Variants in VTI1A observed in about 807,000 individuals in gnomAD.
VTI1A encodes vesicle transport through interaction with t-SNAREs homolog 1A.
VTI1A carries 22 observed loss-of-function variants against 34.9 expected under a neutral mutation model. The observed-to-expected ratio is 0.63, with a 90% confidence interval of 0.45 to 0.90. The LOEUF is 0.90. Among genes scored for constraint, VTI1A ranks in the 40% least tolerant of loss-of-function variants. VTI1A has a pLI of 0.00. For missense variants in VTI1A, 268 were observed against 275.6 expected, an observed-to-expected ratio of 0.97 and a Z score of 0.20; for synonymous variants, 87 against 97.3, an observed-to-expected ratio of 0.89 and a Z score of 0.62.
At chr10:112,703,685 CAT>C (rs1238910815) in intron 7 of VTI1A, among the ~76,000 whole-genome samples, 1 of 151,940 alleles carries the variant, frequency 6.6e-6, no homozygotes, top group African/African-American at 2.4e-5. Context: ...GAAAATGAAA[CAT>C]CACATATATA....
chr10:112,845,825 C>G, the VTI1A span, among the ~76,000 whole-genome samples: 2 of 152,106 alleles, frequency 1.3e-5, no homozygotes, highest in Non-Finnish European at 2.9e-5. Context: ...CGAGACCAGC[C>G]TGGCCAACAT....
Position 112,728,660 on chromosome 10 carries a change from A to G in VTI1A, c.560+59662A>G, listed in dbSNP as rs139994589. ...GTACAAATGAATTTCCTGAAATGGAAGAAAAAAAATAGAATCATACTTGGG... is the reference window on the plus strand; with the variant it reads ...GTACAAATGAATTTCCTGAAATGGAGGAAAAAAAATAGAATCATACTTGGG... On this transcript the variant is annotated intron_variant, in intron 7 of 7. Coordinates refer to ENST00000393077, the MANE Select transcript of VTI1A (RefSeq NM_145206.4). Among the ~76,000 whole-genome samples the G allele has an allele frequency of 3.6e-3, 550 of 152,326 alleles. 4 individuals carry two copies. The highest frequency in any genetic ancestry group is 0.012 in the African/African-American group (510 of 41,562).
intron 5 of VTI1A, among the ~76,000 whole-genome samples, chr10:112,592,912 GC>G (rs1387372300): frequency 2.6e-5 from 4 of 152,200 alleles, no homozygotes; most frequent in Non-Finnish European, 5.9e-5. Flanking sequence ...GTGATATGGT[GC>G]TGTGAAGACT....
chr10:112,716,843 T>C (rs1469467215), intron 7 of VTI1A, among the ~76,000 whole-genome samples: 1 of 152,168 alleles, frequency 6.6e-6, no homozygotes, highest in Admixed American at 6.5e-5. Flanking sequence ...GGATAAGGGA[T>C]ACCCAACCCC....
chr10:112,714,537 C>A (rs1304134743), intron 7 of VTI1A, among the ~76,000 whole-genome samples: 3 of 152,204 alleles, frequency 2.0e-5, no homozygotes, highest in Non-Finnish European at 4.4e-5. Flanking sequence ...TCTTGTCATG[C>A]CTCTTCTGAG....
intron 5 of VTI1A, among the ~76,000 whole-genome samples, chr10:112,591,537 C>CACACACACAA (rs758504431): frequency 6.6e-6 from 1 of 152,062 alleles, no homozygotes; most frequent in African/African-American, 2.4e-5. Flanking sequence ...CACACACACA[C>CACACACACAA]AAAACGAAGA....
chr10:112,690,041 C>A (rs891584813), intron 7 of VTI1A, among the ~76,000 whole-genome samples: 1 of 152,026 alleles, frequency 6.6e-6, no homozygotes, highest in African/African-American at 2.4e-5. Context: ...TATATGACTT[C>A]TTTCATTTGC....
At chr10:112,778,936 G>A (rs1015126802) in intron 7 of VTI1A, among the ~76,000 whole-genome samples, 1 of 152,150 alleles carries the variant, frequency 6.6e-6, no homozygotes, top group African/African-American at 2.4e-5. Flanking sequence ...TGCAGGAGAA[G>A]TTCAGGAACT....
chr10:112,702,159 T>G (rs1483416115), intron 7 of VTI1A, among the ~76,000 whole-genome samples: 1 of 152,146 alleles, frequency 6.6e-6, no homozygotes, highest in Non-Finnish European at 1.5e-5. Flanking sequence ...TCTTCCTCCT[T>G]TTCTAATACT....
chr10:112,702,680 G>C (rs1849052069), intron 7 of VTI1A, among the ~76,000 whole-genome samples: 3 of 151,906 alleles, frequency 2.0e-5, no homozygotes, highest in African/African-American at 4.8e-5. Flanking sequence ...TCTGCCTATG[G>C]GTTCAAGCAA....
downstream of VTI1A, among the ~76,000 whole-genome samples, chr10:112,819,147 T>G (rs547165528): frequency 2.6e-4 from 39 of 152,364 alleles, no homozygotes; most frequent in South Asian, 1.2e-3. Flanking sequence ...TGGAGTGAGC[T>G]GGAAATTTAG....
At chr10:112,718,044 TGAGA>T (rs934467112) in intron 7 of VTI1A, among the ~76,000 whole-genome samples, 1 of 152,218 alleles carries the variant, frequency 6.6e-6, no homozygotes, top group African/African-American at 2.4e-5. Context: ...GTTGTCTGAA[TGAGA>T]GTCAGTCACT....
chr10:112,848,658 G>A, the VTI1A span, among the ~76,000 whole-genome samples: 1 of 152,176 alleles, frequency 6.6e-6, no homozygotes, highest in Admixed American at 6.5e-5. Context: ...CAATTATTCA[G>A]TCCAGCAAAC....
the VTI1A span, among the ~76,000 whole-genome samples, chr10:112,837,437 T>C: frequency 1.3e-5 from 2 of 152,178 alleles, no homozygotes; most frequent in African/African-American, 4.8e-5. Context: ...CTGCTTTTCC[T>C]CAGCCTGCTT....
chr10:112,575,752 C>A (rs900652294), intron 5 of VTI1A, among the ~76,000 whole-genome samples: 1 of 152,138 alleles, frequency 6.6e-6, no homozygotes, highest in Non-Finnish European at 1.5e-5. Flanking sequence ...TTCATAAAAT[C>A]ATTTCATTGT....
intron 3 of VTI1A, among the ~76,000 whole-genome samples, chr10:112,495,228 A>G (rs1848971860): frequency 6.7e-6 from 1 of 149,030 alleles, no homozygotes; most frequent in African/African-American, 2.5e-5. Context: ...TTTAGTTAAA[A>G]AAAAATTTTC....
At chr10:112,623,436 CT>C (rs36045478) in intron 5 of VTI1A, among the ~76,000 whole-genome samples, 64,804 of 133,966 alleles carry the variant, frequency 0.48, 14,336 homozygotes, top group Admixed American at 0.6. Flanking sequence ...TTAAAATAAC[CT>C]TTTTTTTTTT....
intron 5 of VTI1A, among the ~76,000 whole-genome samples, chr10:112,597,859 G>A (rs367828778): frequency 0.034 from 5,221 of 151,564 alleles, 110 homozygotes; most frequent in Non-Finnish European, 0.042. Flanking sequence ...CACCACGCCC[G>A]GCTAATTTTT....
chr10:112,546,168 TACACACAC>T (rs1209859552), intron 5 of VTI1A, among the ~76,000 whole-genome samples: 11 of 150,008 alleles, frequency 7.3e-5, no homozygotes, highest in Non-Finnish European at 1.2e-4. Context: ...TGTATATATA[TACACACAC>T]ACACATACGC....
Sources: allele counts gnomAD v4.1 joint callset (sites outside exome capture counted in the v4.1 genomes callset), GRCh38; gene constraint gnomAD v4.1.1; transcripts MANE v1.5; gene names NCBI Gene and HGNC (gene_info 2026-07-23, HGNC 2026-07-21).